The following NSD1 variants were observed in gnomAD, a reference collection of about 807,000 sequenced individuals.
NSD1 encodes the protein nuclear receptor binding SET domain protein 1.
NSD1 carries 26 observed loss-of-function variants against 242.7 expected under a neutral mutation model. The ratio of observed to expected loss-of-function variants is 0.11; its 90% CI spans 0.08 to 0.15. The LOEUF is 0.15. NSD1 is among the 10% of genes least tolerant of loss of function. The pLI, the probability that NSD1 is intolerant of heterozygous loss-of-function variation, is 1.00. For missense variants in NSD1, 2,495 were observed against 3,272.8 expected, an observed-to-expected ratio of 0.76 and a Z score of 5.80; for synonymous variants, 1,106 against 1,178.1, an observed-to-expected ratio of 0.94 and a Z score of 1.25.
At chr5:177,291,880 G>A (rs1228737234) in intron 21 of NSD1, 74 bp from the exon 22 acceptor site, 2 of 1,337,948 alleles carry the variant, frequency 1.5e-6, no homozygotes, top group Admixed American at 1.9e-5. Flanking sequence ...GAGGCTCAGA[G>A]AGGGTAGTTA....
intron 2 of NSD1, among the ~76,000 whole-genome samples, chr5:177,161,011 T>C (rs1758705763): frequency 6.6e-6 from 1 of 152,124 alleles, no homozygotes; most frequent in Non-Finnish European, 1.5e-5. Context: ...TCAGGTGATC[T>C]GCCCACTTCA....
Position 177,259,945 on chromosome 5 carries a change from T to C in NSD1, c.4967-44T>C, listed in dbSNP as rs752992279. 6 of 1,603,032 alleles carry C rather than the reference T, an allele frequency of 3.7e-6. No individual in the cohort carries two copies. The South Asian group carries it at 6.6e-5, about 18-fold the overall frequency. On this transcript the variant is annotated intron_variant, in intron 13 of 22. Transcript: ENST00000439151. ...TAACTCACATTCTTTTTATATTTAA[T>C]ATTTTTGTTTTTCTTTTGCTTGTCC... is the stretch of plus-strand genomic sequence containing the variant.
intron 2 of NSD1, among the ~76,000 whole-genome samples, chr5:177,185,931 A>T (rs1445778766): frequency 1.1e-5 from 1 of 90,084 alleles, no homozygotes; most frequent in Non-Finnish European, 2.0e-5. Flanking sequence ...TATATATATA[A>T]ATAAATATAT....
At chr5:177,260,594 C>T (rs1299865661) in intron 14 of NSD1, among the ~76,000 whole-genome samples, 3 of 151,790 alleles carry the variant, frequency 2.0e-5, no homozygotes, top group East Asian at 1.9e-4. Flanking sequence ...GTGATTTGCC[C>T]GCCTCGGCCT....
In NSD1 at chr5:177,271,890, G is replaced by A. The variant is rs1446088749; in HGVS notation, c.5510-1782G>A. On this transcript the variant is annotated intron_variant, in intron 16 of 22. Coordinates refer to ENST00000439151, the MANE Select transcript of NSD1 (RefSeq NM_022455.5). ...CTGCTGGACACAGTGGCTAAAGCCT[G>A]TAATCCCAGCACTATGGGGTCAGGA... Among the ~76,000 whole-genome samples the A allele has an allele frequency of 5.3e-5, 8 of 152,160 alleles. 1 individual carries two copies. Among genetic ancestry groups the A allele is most frequent in the Admixed American group, 2.6e-4 (4 of 15,280 alleles).
At chr5:177,195,666 G>A (rs1361891422) in intron 3 of NSD1, among the ~76,000 whole-genome samples, 1 of 152,016 alleles carries the variant, frequency 6.6e-6, no homozygotes, top group African/African-American at 2.4e-5. Flanking sequence ...ACAGGGTTTT[G>A]CCTTGTTGCC....
intron 2 of NSD1, among the ~76,000 whole-genome samples, chr5:177,172,961 CAAAA>C (rs1157349270): frequency 1.8e-4 from 12 of 66,018 alleles, no homozygotes; most frequent in Non-Finnish European, 2.8e-4. Context: ...GACCCTGTCT[CAAAA>C]AAAAAAAAAA....
At chr5:177,206,234 A>C (rs1762862079) in intron 4 of NSD1, among the ~76,000 whole-genome samples, 1 of 152,172 alleles carries the variant, frequency 6.6e-6, no homozygotes, top group African/African-American at 2.4e-5. Context: ...TCCTGTCCTC[A>C]AGTGATCCAT....
Position 177,198,033 on chromosome 5 carries a change from A to G in NSD1, c.1063+6014A>G, listed in dbSNP as rs140669761. Among the ~76,000 whole-genome samples the G allele has an allele frequency of 1.7e-3, 256 of 152,098 alleles. 1 individual carries two copies. Among genetic ancestry groups the G allele is most frequent in the Middle Eastern group, 3.4e-3 (1 of 294 alleles). ...TTAATATTAGTCTTATTTTTGAGAAAGAGTCTTGCTCTGTCACTCAGGCTG... is the reference window on the plus strand; with the variant it reads ...TTAATATTAGTCTTATTTTTGAGAAGGAGTCTTGCTCTGTCACTCAGGCTG... On this transcript the variant is annotated intron_variant, in intron 3 of 22. Coordinates refer to ENST00000439151, the MANE Select transcript of NSD1 (RefSeq NM_022455.5).
intron 2 of NSD1, among the ~76,000 whole-genome samples, chr5:177,173,322 A>C (rs1759883702): frequency 6.6e-6 from 1 of 151,692 alleles, no homozygotes; most frequent in African/African-American, 2.4e-5. Flanking sequence ...GAATTATATG[A>C]AATTAAAACT....
rs768074196 is a variant in NSD1, at chr5:177,294,758, C to T, written c.7390C>T (p.Arg2464Cys). Residue 2464 changes from arginine to cysteine, a missense_variant, in exon 23 of 23, where the codon CGC (arginine) becomes TGC (cysteine). By Grantham distance (180) the Arg-to-Cys change is radical (BLOSUM62 -3). This residue lies in a region of NSD1 where 475 missense variants were observed against 563.7 expected (regional missense o/e 0.84). Coordinates refer to ENST00000439151, the MANE Select transcript of NSD1 (RefSeq NM_022455.5). ...LVMDLIDLTP[R>C]QKERAASPHQ... ...GATGGATCTCATAGACCTAACTCCT[C>T]GCCAGAAGGAGCGGGCAGCTTCACC... is the stretch of plus-strand genomic sequence containing the variant. The T allele has an allele frequency of 8.1e-6, 13 of 1,614,128 alleles. No homozygotes were observed. Among genetic ancestry groups the T allele is most frequent in the South Asian group, 6.6e-5 (6 of 91,084 alleles).
chr5:177,166,749 T>A (rs1158811277), intron 2 of NSD1, among the ~76,000 whole-genome samples: 1 of 151,322 alleles, frequency 6.6e-6, no homozygotes, highest in Non-Finnish European at 1.5e-5. Flanking sequence ...GTTACTTTTT[T>A]TTTTTTTTTT....
At chr5:177,172,691 G>T (rs1759813289) in intron 2 of NSD1, among the ~76,000 whole-genome samples, 1 of 152,138 alleles carries the variant, frequency 6.6e-6, no homozygotes, top group Non-Finnish European at 1.5e-5. Context: ...GGGTATGGTG[G>T]TTCACGTATA....
intron 5 of NSD1, among the ~76,000 whole-genome samples, chr5:177,224,522 G>T (rs1201623330): frequency 6.6e-6 from 1 of 151,660 alleles, no homozygotes; most frequent in Non-Finnish European, 1.5e-5. Context: ...CAAACATTTT[G>T]TATATTATTT....
intron 2 of NSD1, among the ~76,000 whole-genome samples, chr5:177,185,805 ATAAATT>A (rs1294252457): frequency 4.5e-5 from 4 of 88,072 alleles, no homozygotes; most frequent in Non-Finnish European, 5.8e-5. Flanking sequence ...ATATATATAT[ATAAATT>A]TATATATATA....
chr5:177,250,869 T>C (rs1368777284), intron 11 of NSD1, among the ~76,000 whole-genome samples: 4 of 152,196 alleles, frequency 2.6e-5, no homozygotes, highest in Non-Finnish European at 5.9e-5. Flanking sequence ...CCTTTCCCCT[T>C]GTTTGCTTTT....
chr5:177,287,372 G>A (rs1235367214), intron 20 of NSD1, among the ~76,000 whole-genome samples: 1 of 152,222 alleles, frequency 6.6e-6, no homozygotes, highest in Non-Finnish European at 1.5e-5. Context: ...TGGGCGCAGT[G>A]GCTCACGCCT....
intron 2 of NSD1, among the ~76,000 whole-genome samples, chr5:177,141,475 C>T (rs1162627119): frequency 6.6e-6 from 1 of 151,280 alleles, no homozygotes; most frequent in African/African-American, 2.4e-5. Flanking sequence ...GGATTGCAGG[C>T]GCCCTCCACC....
chr5:177,297,309 G>C lies in NSD1; in HGVS notation c.*1850G>C, dbSNP rs1760315401. The C allele has an allele frequency of 8.7e-6, 2 of 231,108 alleles. No homozygotes were observed. Among genetic ancestry groups the C allele is most frequent in the Admixed American group, 1.1e-4 (2 of 17,682 alleles). The allele number at this position is 231,108 out of a possible 1,614,324, so 14.3% of individuals were successfully genotyped here. The stretch of plus-strand genomic sequence containing the variant: ...CATCATCAAAGAGGAAAAGCTCTTT[G>C]TTCAAAAGGAAGAGAAAACGTAAAG... On this transcript the variant is annotated 3_prime_UTR_variant, in exon 23 of 23. Coordinates refer to ENST00000439151, the MANE Select transcript of NSD1 (RefSeq NM_022455.5).
Sources: gnomAD v4.1 joint callset for allele counts (sites outside exome capture counted in the v4.1 genomes callset) on GRCh38, gnomAD v4.1.1 for gene constraint, gnomAD v4.1.1 regional missense constraint, MANE v1.5 for transcripts, NCBI Gene and HGNC (gene_info 2026-07-23, HGNC 2026-07-21) for gene names.